Variants in NFKBID observed in about 807,000 individuals in gnomAD.
The protein encoded by NFKBID is NFKB inhibitor delta, also known as NF-kappa-B inhibitor delta.
A neutral mutation model predicts 53.4 loss-of-function variants in NFKBID; 26 were observed. That is an observed-to-expected ratio of 0.49 (90% CI 0.36 to 0.68). The LOEUF (loss-of-function observed/expected upper bound fraction) is 0.68. Ranked by LOEUF, NFKBID falls within the 30% of genes least tolerant of loss-of-function variation. The pLI is 0.00. For missense variants in NFKBID, 493 were observed against 614.1 expected (o/e 0.80, Z 2.08); for synonymous variants, 262 against 259.8 (o/e 1.01, Z -0.08).
upstream of NFKBID, among the ~76,000 whole-genome samples, chr19:35,900,958 G>A (rs1975541990): frequency 6.7e-6 from 1 of 149,610 alleles, no homozygotes; most frequent in African/African-American, 2.5e-5. Flanking sequence ...TCAGCCTCCC[G>A]AGTAGCTGAC....
rs1213603176 is a variant in NFKBID at position 35,896,180 on chromosome 19, C to T, written c.883+38G>A. The T allele has an allele frequency of 1.2e-6, 2 of 1,614,078 alleles. No homozygotes were observed. Among genetic ancestry groups the T allele is most frequent in the Non-Finnish European group, 8.5e-7 (1 of 1,179,948 alleles). On this transcript the variant is annotated intron_variant, in intron 8 of 11. Coordinates refer to ENST00000641389, the Ensembl canonical transcript of NFKBID. This position sits in a 1 kb window ranked among gnomAD's most constrained non-coding sequence, Gnocchi z 5.7. ...CGCATCTGCACCCACCTCGCCCAGC[C>T]ACACCAACCACACCAGCCCTGCCCA...
intron 9 of NFKBID, among the ~76,000 whole-genome samples, chr19:35,892,199 G>A (rs1025914659): frequency 3.3e-5 from 5 of 151,766 alleles, no homozygotes; most frequent in African/African-American, 4.8e-5. Context: ...CCACAGGCAT[G>A]TGCCATCAAG....
intron 1 of NFKBID, 126 bp from the exon 2 acceptor site, chr19:35,898,948 A>G: frequency 1.5e-6 from 1 of 652,066 alleles, no homozygotes; most frequent in Non-Finnish European, 2.7e-6. Flanking sequence ...ACTGGCACAT[A>G]GATGCCGCCT....
Position 35,890,858 on chromosome 19 carries a change from T to A in NFKBID, c.1033-368A>T, listed in dbSNP as rs1239635081. On this transcript the variant is annotated intron_variant, in intron 9 of 11. Transcript: ENST00000641389. ...CAGCATGGGTGACAGAGTGACACTC[T>A]ATCTCAAAATTAATAAATAAATAAA... Among the ~76,000 whole-genome samples, 3 of 147,228 alleles carry A rather than the reference T, an allele frequency of 2.0e-5. No homozygotes were observed. The East Asian group carries it at 5.8e-4, about 28-fold the overall frequency.
At position 35,896,969 on chromosome 19, in the gene NFKBID, A is replaced by T; in HGVS notation, c.522T>A (p.Ala174=). ...GCTGTGGCCCCAAAGCCAGCATGTG[A>T]GCTCGGGCCACCTCCAGCGATGGTC... is the stretch of plus-strand genomic sequence containing the variant. Residue 174 remains alanine, a synonymous_variant, in exon 5 of 12, where the codon GCT becomes GCA. Coordinates refer to ENST00000641389, the Ensembl canonical transcript of NFKBID. The surrounding 1 kb of genome is among the most constrained non-coding windows in gnomAD (Gnocchi z 5.7). The T allele has an allele frequency of 6.2e-7, 1 of 1,608,586 alleles. No homozygotes were observed.
At chr19:35,892,543 C>CAAAAAAAAAAAAAAAAAAAAA (rs112001334) in intron 9 of NFKBID, among the ~76,000 whole-genome samples, 1 of 112,268 alleles carries the variant, frequency 8.9e-6, no homozygotes, top group African/African-American at 3.4e-5. Flanking sequence ...GACTCCATCT[C>CAAAAAAAAAAAAAAAAAAAAA]AAAAAAAAAA....
chr19:35,895,952 G>A, intron 9 of NFKBID, 28 bp downstream of exon 9: 1 of 1,600,560 alleles, frequency 6.2e-7, no homozygotes, highest in Non-Finnish European at 8.5e-7. Flanking sequence ...CAATCTCCCA[G>A]GGTCTGACCG....
chr19:35,900,704 C>CG, upstream of NFKBID: 7 of 1,159,592 alleles, frequency 6.0e-6, no homozygotes, highest in Non-Finnish European at 7.6e-6. Flanking sequence ...TCAGTCCCCC[C>CG]GGGAAGGAGG....
chr19:35,890,761 G>A (rs1250629395), intron 9 of NFKBID: 4 of 431,598 alleles, frequency 9.3e-6, no homozygotes, highest in South Asian at 5.8e-5. Context: ...CTGCTTGGGA[G>A]GCTGAGGCAG....
intron 1 of NFKBID, 111 bp from the exon 2 acceptor site, chr19:35,898,933 G>T: frequency 1.4e-6 from 1 of 737,536 alleles, no homozygotes; most frequent in Non-Finnish European, 2.2e-6. Context: ...CTCCCGCGCG[G>T]AAAAACTGGC....
In NFKBID at chr19:35,896,556, AGT is replaced by A. The variant is rs563132746; in HGVS notation, c.685-20_685-19del. On this transcript the variant is annotated intron_variant, in intron 6 of 11. Transcript: ENST00000641389. This position sits in a 1 kb window ranked among gnomAD's most constrained non-coding sequence, Gnocchi z 5.7. ...AGAGGGGTCTGCAGGCCACAGGAGA[AGT>A]CAGGTTGGGCTCCTGGTTCCCTCCC... The A allele has an allele frequency of 2.9e-4, 471 of 1,613,254 alleles. 5 individuals carry two copies. The African/African-American group carries it at 4.9e-3, about 17-fold the overall frequency.
In NFKBID at chr19:35,888,476, A is replaced by G. The variant is rs1432215771; in HGVS notation, c.*83T>C. ...GGCAGGATATTCCACATACATTATC[A>G]TGGGTTTGCAACATTAGCATACGCT... On this transcript the variant is annotated 3_prime_UTR_variant, in exon 12 of 12. Transcript: ENST00000641389. 3 of 972,616 alleles carry G rather than the reference A, an allele frequency of 3.1e-6. No homozygotes were observed. The African/African-American group carries it at 4.9e-5, about 16-fold the overall frequency. 60.2% of individuals were successfully genotyped at this position (972,616 alleles called of 1,614,324 possible).
At chr19:35,898,332 G>A in intron 3 of NFKBID, 140 bp downstream of exon 3, 1 of 658,976 alleles carries the variant, frequency 1.5e-6, no homozygotes, top group South Asian at 1.8e-5. Flanking sequence ...CAGGGCAACA[G>A]AGTGAGATCC....
chr19:35,900,698 T>TC (rs1354896386), upstream of NFKBID: 23 of 1,178,576 alleles, frequency 2.0e-5, no homozygotes, highest in African/African-American at 4.8e-5. Flanking sequence ...GACTACTCAG[T>TC]CCCCCCGGGA....
chr19:35,893,559 G>A (rs1253402633), intron 9 of NFKBID, among the ~76,000 whole-genome samples: 12 of 152,188 alleles, frequency 7.9e-5, no homozygotes, highest in East Asian at 7.7e-4. Context: ...AGTGGCTCAC[G>A]CCTGTAATCC....
chr19:35,888,504 C>T, exon 12 of NFKBID: 1 of 1,267,458 alleles, frequency 7.9e-7, no homozygotes, highest in South Asian at 1.3e-5. Flanking sequence ...CATACGCTGG[C>T]TGTCCCGCAG....
chr19:35,889,919 G>A lies in NFKBID; in HGVS notation c.1285C>T (p.Leu429=), dbSNP rs1974638941. ...TCAGGGCCCGGCCCGGGCCGCAGCA[G>A]GTGAACGGGCTGCTCATTCTCCAGG... Residue 429 remains leucine, a synonymous_variant, in exon 11 of 12, where the codon CTG becomes TTG. Transcript: ENST00000641389. 4 of 1,611,022 alleles carry A rather than the reference G, an allele frequency of 2.5e-6. No individual in the cohort carries two copies. The East Asian group carries it at 8.9e-5, about 36-fold the overall frequency.
upstream of NFKBID, chr19:35,902,223 T>C (rs1239363633): frequency 1.4e-6 from 1 of 703,144 alleles, no homozygotes; most frequent in African/African-American, 1.7e-5. Flanking sequence ...CACTCCCATC[T>C]TCTCAGCGTT....
chr19:35,901,807 C>A (rs188935831), upstream of NFKBID: 44 of 229,094 alleles, frequency 1.9e-4, no homozygotes, highest in African/African-American at 9.5e-4. Context: ...GTGATCCCCC[C>A]ACCTTGGCCT....
Sources: gnomAD v4.1 joint callset for allele counts (sites outside exome capture counted in the v4.1 genomes callset) on GRCh38, gnomAD v4.1.1 for gene constraint, Gnocchi (gnomAD v3.1) non-coding constraint, MANE v1.5 for transcripts, NCBI Gene and HGNC (gene_info 2026-07-23, HGNC 2026-07-21) for gene names.